The following QRICH1 variants were observed in gnomAD, a reference collection of about 807,000 sequenced individuals.
QRICH1 encodes the protein transcriptional regulator QRICH1.
Under a neutral mutation model 87.1 loss-of-function variants are expected in QRICH1, and 16 were observed. That is an observed-to-expected ratio of 0.18 (90% CI 0.12 to 0.28). The LOEUF (loss-of-function observed/expected upper bound fraction) is 0.28. QRICH1 is among the 10% of genes least tolerant of loss of function. The probability of loss-of-function intolerance (pLI) is 1.00; values close to 1 mark genes in which losing one functional copy is unlikely to be tolerated. For missense variants in QRICH1, 647 were observed against 951.7 expected (o/e 0.68, Z 4.21); for synonymous variants, 367 against 368.4 (o/e 1.00, Z 0.05).
intron 3 of QRICH1, among the ~76,000 whole-genome samples, chr3:49,054,021 CATCTTTCCCTTGGG>C (rs1348824454): frequency 1.3e-5 from 2 of 152,084 alleles, no homozygotes; most frequent in Non-Finnish European, 2.9e-5. Flanking sequence ...TTTCCCTTGG[CATCTTTCCCTTGGG>C]ATGGAAAATC....
At chr3:49,058,453 G>A (rs1269709583) in intron 2 of QRICH1, among the ~76,000 whole-genome samples, 5 of 151,950 alleles carry the variant, frequency 3.3e-5, no homozygotes, top group Admixed American at 1.3e-4. Flanking sequence ...AGCCTCCCGA[G>A]TATCTGGGAT....
intron 2 of QRICH1, among the ~76,000 whole-genome samples, chr3:49,074,299 G>A (rs572163809): frequency 5.3e-5 from 8 of 152,142 alleles, no homozygotes; most frequent in Non-Finnish European, 7.4e-5. Flanking sequence ...TCAGATGGAC[G>A]TGGTGGCTCA....
At chr3:49,041,715 C>T (rs1419893990) in intron 6 of QRICH1, among the ~76,000 whole-genome samples, 1 of 152,002 alleles carries the variant, frequency 6.6e-6, no homozygotes, top group Non-Finnish European at 1.5e-5. Context: ...ACTGCAACCT[C>T]TGCCTCCCTG....
At chr3:49,086,122 T>C (rs1245285462) in intron 1 of QRICH1, among the ~76,000 whole-genome samples, 4 of 150,602 alleles carry the variant, frequency 2.7e-5, no homozygotes, top group East Asian at 3.9e-4. Flanking sequence ...CTTTTAAATA[T>C]AGCTGCATTG....
chr3:49,065,240 G>A (rs1417379804), intron 2 of QRICH1, among the ~76,000 whole-genome samples: 1 of 151,816 alleles, frequency 6.6e-6, no homozygotes, highest in African/African-American at 2.4e-5. Context: ...TGCCTCCTGG[G>A]TTCAAGCAAT....
chr3:49,043,440 G>A (rs572955603), intron 6 of QRICH1, among the ~76,000 whole-genome samples: 1 of 131,636 alleles, frequency 7.6e-6, no homozygotes, highest in Admixed American at 8.6e-5. Flanking sequence ...ATGCTGCAGT[G>A]AGCCAAGATC....
At chr3:49,043,854 A>T (rs928982312) in intron 6 of QRICH1, among the ~76,000 whole-genome samples, 1 of 152,138 alleles carries the variant, frequency 6.6e-6, no homozygotes, top group Non-Finnish European at 1.5e-5. Context: ...AACAAAACAA[A>T]AATAGCTGAG....
rs552516234 is a variant in QRICH1, at chr3:49,072,165, T to C, written c.309+4544A>G. 6.6e-5 allele frequency among the ~76,000 whole-genome samples: 10 copies of C among 152,282 alleles called. No individual in the cohort carries two copies. In the East Asian group the frequency reaches 1.9e-3, roughly 29 times the overall value. On this transcript the variant is annotated intron_variant, in intron 2 of 9. Transcript: ENST00000395443. ...AGCCAACATGGTGAAACCCCATCTC[T>C]ACTAAAAATATAAAAATTAGTCGGG...
intron 6 of QRICH1, among the ~76,000 whole-genome samples, chr3:49,038,697 G>A (rs1575325861): frequency 6.6e-6 from 1 of 152,076 alleles, no homozygotes; most frequent in Non-Finnish European, 1.5e-5. Flanking sequence ...GAATTCAGGC[G>A]TGAGCCACTG....
At chr3:49,090,392 G>GATCC (rs1187035834) in intron 1 of QRICH1, among the ~76,000 whole-genome samples, 7 of 151,098 alleles carry the variant, frequency 4.6e-5, no homozygotes, top group African/African-American at 1.7e-4. Flanking sequence ...CCAGAAGGTG[G>GATCC]AGCTTGCAGT....
At chr3:49,042,134 G>C (rs2093314298) in intron 6 of QRICH1, among the ~76,000 whole-genome samples, 1 of 144,070 alleles carries the variant, frequency 6.9e-6, no homozygotes, top group East Asian at 2.1e-4. Context: ...TCTTGCTCTT[G>C]TCGCCCAGGC....
intron 1 of QRICH1, among the ~76,000 whole-genome samples, chr3:49,089,762 C>T (rs1258279820): frequency 6.6e-6 from 1 of 151,962 alleles, no homozygotes; most frequent in Admixed American, 6.6e-5. Context: ...CATAAGGAAA[C>T]AAATCTAAAC....
chr3:49,032,583 G>C (rs550818498), intron 8 of QRICH1, 39 bp downstream of exon 8: 19 of 1,533,888 alleles, frequency 1.2e-5, no homozygotes, highest in Middle Eastern at 1.8e-4. Flanking sequence ...GGCAGGACAA[G>C]TAGCACCTGT....
chr3:49,064,407 GTTT>G (rs1185905465), intron 2 of QRICH1, among the ~76,000 whole-genome samples: 2 of 151,512 alleles, frequency 1.3e-5, no homozygotes, highest in African/African-American at 4.8e-5. Context: ...ATGCCTGGCT[GTTT>G]TTTTGTTTGT....
At chr3:49,053,592 T>C (rs2093384940) in intron 3 of QRICH1, among the ~76,000 whole-genome samples, 1 of 151,936 alleles carries the variant, frequency 6.6e-6, no homozygotes, top group Non-Finnish European at 1.5e-5. Flanking sequence ...GGGGGGTCAC[T>C]GCTGACCTTG....
chr3:49,053,796 A>G (rs1251945020), intron 3 of QRICH1, among the ~76,000 whole-genome samples: 2 of 152,236 alleles, frequency 1.3e-5, no homozygotes, highest in East Asian at 3.8e-4. Flanking sequence ...GATAGCTTTC[A>G]TAAAAGGTAT....
chr3:49,057,004 A>G lies in QRICH1; in HGVS notation c.1196T>C (p.Val399Ala), dbSNP rs761636451. The change falls in exon 3 of 10, where the codon GTG (valine) becomes GCG (alanine). Residue 399 changes from valine to alanine, a missense_variant. Coordinates refer to ENST00000395443, the MANE Select transcript of QRICH1 (RefSeq NM_198880.3). This position sits in a 1 kb window ranked among gnomAD's most constrained non-coding sequence, Gnocchi z 5.4. ...MNGNIHIPVA[V>A]QAVAGTYQNT... Reference sequence around the variant, plus strand: ...CTGGTACGTGCCTGCCACAGCCTGCACAGCCACTGGAATGTGGATGTTGCC... The same window carrying G: ...CTGGTACGTGCCTGCCACAGCCTGCGCAGCCACTGGAATGTGGATGTTGCC... 2 of 1,612,748 alleles carry G rather than the reference A, an allele frequency of 1.2e-6. No individual in the cohort carries two copies. Among genetic ancestry groups the G allele is most frequent in the South Asian group, 1.1e-5 (1 of 91,086 alleles).
chr3:49,046,371 A>G, intron 5 of QRICH1, 54 bp downstream of exon 5: 2 of 1,528,776 alleles, frequency 1.3e-6, no homozygotes, highest in Non-Finnish European at 1.8e-6. Context: ...TAAACTAGCA[A>G]ACATCCAATA....
chr3:49,037,073 T>TAAAAA (rs60963227), intron 6 of QRICH1, among the ~76,000 whole-genome samples: 17 of 92,602 alleles, frequency 1.8e-4, no homozygotes, highest in Admixed American at 2.9e-4. Flanking sequence ...CCCCGTCTCT[T>TAAAAA]AAAAAAAAAA....
Sources: allele counts gnomAD v4.1 joint callset (sites outside exome capture counted in the v4.1 genomes callset), GRCh38; gene constraint gnomAD v4.1.1; non-coding constraint Gnocchi (gnomAD v3.1); transcripts MANE v1.5; gene names NCBI Gene and HGNC (gene_info 2026-07-23, HGNC 2026-07-21).